Variants in DACH1 observed in about 807,000 individuals in gnomAD.
DACH1 encodes dachshund family transcription factor 1, also known as dachshund homolog 1.
DACH1 carries 12 observed loss-of-function variants against 54.2 expected under a neutral mutation model. That is an observed-to-expected ratio of 0.22 (90% CI 0.14 to 0.36). DACH1 has a LOEUF of 0.36. Among genes scored for constraint, DACH1 ranks in the 10% least tolerant of loss-of-function variants. The pLI is 1.00. For synonymous variants in DACH1, 386 were observed against 366.2 expected (o/e 1.05, Z -0.62); for missense variants, 805 against 929.8 (o/e 0.87, Z 1.75).
intron 1 of DACH1, among the ~76,000 whole-genome samples, chr13:71,764,424 T>TA (rs533950139): frequency 6.6e-6 from 1 of 151,810 alleles, no homozygotes; most frequent in South Asian, 2.1e-4. Flanking sequence ...TAAATTAGGA[T>TA]AAAAAAATTG....
chr13:71,843,350 C>T (rs1873008796), intron 1 of DACH1, among the ~76,000 whole-genome samples: 1 of 152,144 alleles, frequency 6.6e-6, no homozygotes, highest in African/African-American at 2.4e-5. Context: ...ACCACAACCT[C>T]AACCTCTGGG....
Position 71,692,038 on chromosome 13 carries a change from C to CAG in DACH1, c.849-10129_849-10128insCT, listed in dbSNP as rs1000472282. 2.6e-5 allele frequency among the ~76,000 whole-genome samples: 4 copies of CAG among 151,840 alleles called. No individual in the cohort carries two copies. The East Asian group carries it at 7.8e-4, about 29-fold the overall frequency. On this transcript the variant is annotated intron_variant, in intron 1 of 10. Transcript: ENST00000613252. ...ACACACACACACACACACACACACA[C>CAG]ACACACACAGACACACACATACACT...
rs2138415170 is a variant in DACH1 at position 71,572,907 on chromosome 13, A to G, written c.1232T>C (p.Ile411Thr). ...AMSQMNHLSTIANMAAAAQVQ... is the reference protein window; with the variant it reads ...AMSQMNHLSTTANMAAAAQVQ... ...TTGTGCTGCTGCTGCCATATTTGCA[A>G]TGGTGCTGAGGTGGTTCATCTGGCT... The change falls in exon 4 of 11, where the codon ATT becomes ACT. Residue 411 changes from isoleucine to threonine, a missense_variant. Physicochemically the swap from Ile to Thr is moderately conservative, Grantham distance 89. Transcript: ENST00000613252. The G allele has an allele frequency of 1.2e-6, 2 of 1,614,022 alleles. No homozygotes were observed. The highest frequency in any genetic ancestry group is 1.7e-5 in the Admixed American group (1 of 60,020).
At chr13:71,712,806 C>CA (rs1379191472) in intron 1 of DACH1, among the ~76,000 whole-genome samples, 2 of 151,822 alleles carry the variant, frequency 1.3e-5, no homozygotes, top group Non-Finnish European at 1.5e-5. Flanking sequence ...CTTTACCCCC[C>CA]AAAAAATCAA....
At chr13:71,744,368 GAC>G (rs1438318360) in intron 1 of DACH1, among the ~76,000 whole-genome samples, 1 of 152,168 alleles carries the variant, frequency 6.6e-6, no homozygotes, top group Non-Finnish European at 1.5e-5. Flanking sequence ...GTTCAAGAAA[GAC>G]ATACACAAAC....
At chr13:71,654,473 A>ATAAAATAAAG (rs1566409198) in intron 2 of DACH1, among the ~76,000 whole-genome samples, 5 of 126,064 alleles carry the variant, frequency 4.0e-5, no homozygotes, top group African/African-American at 1.7e-4. Context: ...ATAAAATAAA[A>ATAAAATAAAG]TAAAATAAAA....
At chr13:71,482,481 T>C (rs1339476664) in intron 7 of DACH1, among the ~76,000 whole-genome samples, 3 of 152,200 alleles carry the variant, frequency 2.0e-5, no homozygotes, top group Non-Finnish European at 4.4e-5. Context: ...AAATTTGTTC[T>C]CAATAATGTG....
chr13:71,618,496 CT>C (rs1566382397), intron 3 of DACH1, among the ~76,000 whole-genome samples: 2 of 151,926 alleles, frequency 1.3e-5, no homozygotes, highest in African/African-American at 4.8e-5. Context: ...GCTTGTATTA[CT>C]TTTTTCCTTG....
chr13:71,500,848 G>A (rs1331025), intron 6 of DACH1, among the ~76,000 whole-genome samples: 141,306 of 152,020 alleles, frequency 0.93, 66,568 homozygotes, highest in East Asian at 1. Context: ...ACAAATCATA[G>A]AATCTACTTA....
At chr13:71,839,185 T>C (rs1294711115) in intron 1 of DACH1, among the ~76,000 whole-genome samples, 1 of 152,212 alleles carries the variant, frequency 6.6e-6, no homozygotes, top group African/African-American at 2.4e-5. Context: ...TAAAAGTTAA[T>C]ATGTGGTTTT....
intron 2 of DACH1, among the ~76,000 whole-genome samples, chr13:71,659,869 C>G (rs1432321541): frequency 6.6e-6 from 1 of 152,090 alleles, no homozygotes; most frequent in African/African-American, 2.4e-5. Context: ...TCTGATTTTA[C>G]AGCATTAGTT....
chr13:71,839,234 A>C (rs945912928), intron 1 of DACH1, among the ~76,000 whole-genome samples: 2 of 152,208 alleles, frequency 1.3e-5, no homozygotes, highest in African/African-American at 4.8e-5. Flanking sequence ...AGAAAAAATC[A>C]GTGCTTTTAA....
Position 71,855,998 on chromosome 13 carries a change from A to G in DACH1, c.848+9924T>C, listed in dbSNP as rs193027804. 2.1e-3 allele frequency among the ~76,000 whole-genome samples: 318 copies of G among 152,084 alleles called. 1 individual carries two copies. Among genetic ancestry groups the G allele is most frequent in the African/African-American group, 7.5e-3 (312 of 41,544 alleles). On this transcript the variant is annotated intron_variant, in intron 1 of 10. Coordinates refer to ENST00000613252, the MANE Select transcript of DACH1 (RefSeq NM_080759.6). ...GAAGAATTTTGTTTTAAAAAGTAAC[A>G]TTTTAATAGCATGAGAAAACTTAAA...
chr13:71,727,545 A>G (rs1883528725), intron 1 of DACH1, among the ~76,000 whole-genome samples: 1 of 152,058 alleles, frequency 6.6e-6, no homozygotes, highest in Non-Finnish European at 1.5e-5. Context: ...CCCTATTCAA[A>G]TGTGTTTGAT....
chr13:71,778,447 T>C (rs1481440487), intron 1 of DACH1, among the ~76,000 whole-genome samples: 1 of 152,104 alleles, frequency 6.6e-6, no homozygotes, highest in Non-Finnish European at 1.5e-5. Flanking sequence ...CAGTGACAAA[T>C]GAGAGCACTC....
At chr13:71,570,482 A>G (rs2138409387) in intron 4 of DACH1, among the ~76,000 whole-genome samples, 1 of 152,242 alleles carries the variant, frequency 6.6e-6, no homozygotes, top group East Asian at 1.9e-4. Flanking sequence ...ACTTTTTGTA[A>G]TCATTCTCAA....
At chr13:71,442,831 A>C (rs1468986655) in intron 10 of DACH1, among the ~76,000 whole-genome samples, 1 of 152,004 alleles carries the variant, frequency 6.6e-6, no homozygotes, top group Non-Finnish European at 1.5e-5. Context: ...ATACTCTAAT[A>C]TAAGTTATGT....
In DACH1 at chr13:71,700,565, CAA is replaced by C. The variant is rs1211164206; in HGVS notation, c.849-18657_849-18656del. 1.5e-4 allele frequency among the ~76,000 whole-genome samples: 9 copies of C among 58,770 alleles called. No individual in the cohort carries two copies. In the East Asian group the frequency reaches 1.9e-3, roughly 12 times the overall value. 38.6% of individuals were successfully genotyped at this position (58,770 alleles called of 152,430 possible). On this transcript the variant is annotated intron_variant, in intron 1 of 10. Coordinates refer to ENST00000613252, the MANE Select transcript of DACH1 (RefSeq NM_080759.6). ...ACAGCAAGACTGCAAGACTCCATCT[CAA>C]AAAAAAAAAAAAAAAAAAGAGAGAG...
At chr13:71,752,458 CTCTT>C (rs1339686782) in intron 1 of DACH1, among the ~76,000 whole-genome samples, 1 of 147,274 alleles carries the variant, frequency 6.8e-6, no homozygotes, top group Non-Finnish European at 1.5e-5. Context: ...GAAATTCTCT[CTCTT>C]TCTCTCTCTG....
Sources: gnomAD v4.1 joint callset for allele counts (sites outside exome capture counted in the v4.1 genomes callset) on GRCh38, gnomAD v4.1.1 for gene constraint, MANE v1.5 for transcripts, NCBI Gene and HGNC (gene_info 2026-07-23, HGNC 2026-07-21) for gene names.